ZBED3: variants seen among roughly 807,000 people sequenced by gnomAD.
ZBED3 encodes zinc finger BED domain-containing protein 3.
For missense variants in ZBED3, 388 were observed against 362.9 expected (o/e 1.07, Z -0.56); for synonymous variants, 175 against 180.0 (o/e 0.97, Z 0.22).
chr5:77,077,862 G>A lies in ZBED3; in HGVS notation c.17C>T (p.Pro6Leu), dbSNP rs1265378384. The A allele has an allele frequency of 7.9e-7, 1 of 1,261,784 alleles. No individual in the cohort carries two copies. Among genetic ancestry groups the A allele is most frequent in the Non-Finnish European group, 9.9e-7 (1 of 1,006,656 alleles). The allele number at this position is 1,261,784 out of a possible 1,614,324, so 78.2% of individuals were successfully genotyped here. A position where few individuals can be genotyped will look rare whatever the true frequency, so the allele number is the denominator to read the frequency against. The change falls in exon 3 of 3, where the codon CCG becomes CTG. Residue 6 changes from proline (P) to leucine (L), a missense_variant. Transcript: ENST00000255198. The stretch of plus-strand genomic sequence containing the variant: ...GCGGGCCTGGTCCATGGTGCAGGCC[G>A]GCTCGCCACTCCTCATTCTGCGGCG... MRSGE[P>L]ACTMDQARGL...
At position 77,076,648 on chromosome 5, in the gene ZBED3, C is replaced by T. The variant is rs1020193074; in HGVS notation, c.*526G>A. On this transcript the variant is annotated 3_prime_UTR_variant, in exon 3 of 3. Transcript: ENST00000255198. ...AACTAGAGGGGACGTCCCTCACCCA[C>T]CCTTCAGAACTTGGTGTTGGGCAGA... 3 of 151,620 alleles carry T rather than the reference C, an allele frequency of 2.0e-5. No homozygotes were observed. The allele number at this position is 151,620 out of a possible 1,614,324, so 9.4% of individuals were successfully genotyped here.
intron 1 of ZBED3, among the ~76,000 whole-genome samples, chr5:77,082,389 C>T (rs1743145967): frequency 1.3e-5 from 2 of 151,886 alleles, no homozygotes; most frequent in Admixed American, 1.3e-4. Flanking sequence ...TCAGAATCTA[C>T]ATCAGAATCA....
intron 1 of ZBED3, among the ~76,000 whole-genome samples, chr5:77,086,440 T>C (rs1743240367): frequency 6.6e-6 from 1 of 152,204 alleles, no homozygotes; most frequent in African/African-American, 2.4e-5. Context: ...TATTAAGCTG[T>C]TTCTACAACT....
chr5:77,075,990 T>G lies in ZBED3; in HGVS notation c.*1184A>C, dbSNP rs1447505654. 4.6e-5 allele frequency: 2 copies of G among 43,322 alleles called. 1 individual carries two copies. Among genetic ancestry groups the G allele is most frequent in the African/African-American group, 1.6e-4 (2 of 12,870 alleles). 2.7% of individuals were successfully genotyped at this position (43,322 alleles called of 1,614,324 possible). Reference sequence around the variant, plus strand: ...ATGTATATGTATATATGTATATATATATGTATATATGTATATATATATGTA... The same window carrying G: ...ATGTATATGTATATATGTATATATAGATGTATATATGTATATATATATGTA... On this transcript the variant is annotated 3_prime_UTR_variant, in exon 3 of 3. Coordinates refer to ENST00000255198, the MANE Select transcript of ZBED3 (RefSeq NM_032367.4).
At chr5:77,081,611 A>G (rs1225784762) in intron 1 of ZBED3, among the ~76,000 whole-genome samples, 1 of 152,036 alleles carries the variant, frequency 6.6e-6, no homozygotes, top group Non-Finnish European at 1.5e-5. Context: ...CGGCCTCCCA[A>G]AGTGCTGGGA....
At chr5:77,078,568 T>G (rs1412763141) in intron 2 of ZBED3, 26 bp downstream of exon 2, 1 of 152,222 alleles carries the variant, frequency 6.6e-6, no homozygotes, top group Non-Finnish European at 1.5e-5. Flanking sequence ...AATAGCAATA[T>G]CCAAAGCAGC....
At chr5:77,086,257 T>A (rs552371494) in intron 1 of ZBED3, among the ~76,000 whole-genome samples, 2 of 152,354 alleles carry the variant, frequency 1.3e-5, no homozygotes, top group African/African-American at 4.8e-5. Flanking sequence ...AAGATTTTTT[T>A]AATTTAATTT....
Position 77,076,934 on chromosome 5 carries a change from C to T in ZBED3, c.*240G>A. The T allele has an allele frequency of 2.9e-6, 1 of 340,628 alleles. No individual in the cohort carries two copies. Among genetic ancestry groups the T allele is most frequent in the Admixed American group, 4.8e-5 (1 of 20,716 alleles). 21.1% of individuals were successfully genotyped at this position (340,628 alleles called of 1,614,324 possible). Reference sequence around the variant, plus strand: ...CCCCAATTCCTTGCGTGCATGCCCACGAAAGGCCGCCCAGGCACCCCCGGT... The same window carrying T: ...CCCCAATTCCTTGCGTGCATGCCCATGAAAGGCCGCCCAGGCACCCCCGGT... On this transcript the variant is annotated 3_prime_UTR_variant, in exon 3 of 3. Transcript: ENST00000255198.
At chr5:77,086,323 G>A (rs1252833983) in intron 1 of ZBED3, among the ~76,000 whole-genome samples, 2 of 151,756 alleles carry the variant, frequency 1.3e-5, no homozygotes, top group African/African-American at 4.8e-5. Context: ...ACGTATTGCT[G>A]TCTACTTTTT....
At chr5:77,085,746 A>G (rs1743224756) in intron 1 of ZBED3, among the ~76,000 whole-genome samples, 1 of 152,250 alleles carries the variant, frequency 6.6e-6, no homozygotes, top group African/African-American at 2.4e-5. Context: ...GTTTACTGCC[A>G]TATATTAATC....
chr5:77,084,263 C>T (rs1743189386), intron 1 of ZBED3, among the ~76,000 whole-genome samples: 2 of 152,206 alleles, frequency 1.3e-5, no homozygotes, highest in South Asian at 2.1e-4. Context: ...CAAATCTCAT[C>T]CTGAATCCTA....
intron 1 of ZBED3, among the ~76,000 whole-genome samples, chr5:77,085,745 C>T (rs1052621588): frequency 9.2e-5 from 14 of 152,170 alleles, no homozygotes; most frequent in African/African-American, 3.4e-4. Flanking sequence ...AGTTTACTGC[C>T]ATATATTAAT....
At position 77,077,882 on chromosome 5, in the gene ZBED3, G is replaced by T; in HGVS notation, c.-4C>A. 1 of 1,254,518 alleles carries T rather than the reference G, an allele frequency of 8.0e-7. No individual in the cohort carries two copies. The highest frequency in any genetic ancestry group is 1.0e-6 in the Non-Finnish European group (1 of 1,002,050). The allele number at this position is 1,254,518 out of a possible 1,614,324, so 77.7% of individuals were successfully genotyped here. On this transcript the variant is annotated 5_prime_UTR_variant, in exon 3 of 3. Coordinates refer to ENST00000255198, the MANE Select transcript of ZBED3 (RefSeq NM_032367.4). ...AGGCCGGCTCGCCACTCCTCATTCT[G>T]CGGCGCCCGCACGCTGGGGAGCAGG...
chr5:77,077,204 G>A lies in ZBED3; in HGVS notation c.675C>T (p.Asp225=), dbSNP rs1475848120. ...GGAGGACCTTTGTGATGACGCAGCC[G>A]TCCCTGTCACCCTCGGGGTCGTCCT... ...PLKDDPEGDR[D]GCVITKVLL Residue 225 remains aspartate, a synonymous_variant, in exon 3 of 3, where the codon GAC becomes GAT. Coordinates refer to ENST00000255198, the MANE Select transcript of ZBED3 (RefSeq NM_032367.4). The A allele has an allele frequency of 2.0e-6, 3 of 1,502,878 alleles. No individual in the cohort carries two copies. Among genetic ancestry groups the A allele is most frequent in the Non-Finnish European group, 2.6e-6 (3 of 1,132,144 alleles). The allele number at this position is 1,502,878 out of a possible 1,614,324, so 93.1% of individuals were successfully genotyped here.
At chr5:77,083,294 T>C (rs1466169957) in intron 1 of ZBED3, among the ~76,000 whole-genome samples, 1 of 152,214 alleles carries the variant, frequency 6.6e-6, no homozygotes, top group Non-Finnish European at 1.5e-5. Flanking sequence ...AAACCCAGCA[T>C]GTGAGGCTGC....
intron 2 of ZBED3, 60 bp from the exon 3 acceptor site, chr5:77,077,955 A>C: frequency 8.6e-7 from 1 of 1,160,086 alleles, no homozygotes; most frequent in Non-Finnish European, 1.1e-6. Context: ...CTCCTAGACT[A>C]CAGTTAGCCT....
chr5:77,076,009 ATATG>A lies in ZBED3; in HGVS notation c.*1161_*1164del, dbSNP rs1742988101. 7 of 89,300 alleles carry A rather than the reference ATATG, an allele frequency of 7.8e-5. No homozygotes were observed. The highest frequency in any genetic ancestry group is 2.6e-4 in the African/African-American group (6 of 23,076). The allele number at this position is 89,300 out of a possible 1,614,324, so 5.5% of individuals were successfully genotyped here. ...TATATATATGTATATATGTATATAT[ATATG>A]TATATATGTATATATATATGTATAT... On this transcript the variant is annotated 3_prime_UTR_variant, in exon 3 of 3. Coordinates refer to ENST00000255198, the MANE Select transcript of ZBED3 (RefSeq NM_032367.4).
At position 77,075,969 on chromosome 5, in the gene ZBED3, A is replaced by ATATATATT; in HGVS notation, c.*1204_*1205insAATATATA. ...CATATATATATATATATATATATGTATATGTATATATGTATATATATATGT... is the reference window on the plus strand; with the variant it reads ...CATATATATATATATATATATATGTATATATATTTATGTATATATGTATATATATATGT... On this transcript the variant is annotated 3_prime_UTR_variant, in exon 3 of 3. Transcript: ENST00000255198. 5.0e-5 allele frequency: 1 copy of ATATATATT among 20,146 alleles called. No individual in the cohort carries two copies. Among genetic ancestry groups the ATATATATT allele is most frequent in the East Asian group, 7.8e-4 (1 of 1,278 alleles). 1.2% of individuals were successfully genotyped at this position (20,146 alleles called of 1,614,324 possible). A position where few individuals can be genotyped will look rare whatever the true frequency, so the allele number is the denominator to read the frequency against.
intron 1 of ZBED3, among the ~76,000 whole-genome samples, chr5:77,084,758 C>T (rs1743203950): frequency 6.6e-6 from 1 of 152,156 alleles, no homozygotes; most frequent in Non-Finnish European, 1.5e-5. Context: ...CTCCCATGCC[C>T]CACAGGGCAC....
Sources: gnomAD v4.1 joint callset for allele counts (sites outside exome capture counted in the v4.1 genomes callset) on GRCh38, gnomAD v4.1.1 for gene constraint, MANE v1.5 for transcripts, NCBI Gene and HGNC (gene_info 2026-07-23, HGNC 2026-07-21) for gene names.